Variants in MYO18B observed in about 807,000 individuals in gnomAD.
MYO18B encodes myosin XVIIIB, also known as unconventional myosin-XVIIIb.
Under a neutral mutation model 273.0 loss-of-function variants are expected in MYO18B, and 204 were observed. The observed-to-expected ratio is 0.75, with a 90% CI of 0.67 to 0.84. The LOEUF is 0.84. Among genes scored for constraint, MYO18B ranks in the 40% least tolerant of loss-of-function variants. The probability of loss-of-function intolerance (pLI) is 0.00; values close to 1 mark genes in which losing one functional copy is unlikely to be tolerated. For missense variants in MYO18B, 3,212 were observed against 3,287.6 expected (o/e 0.98, Z 0.56); for synonymous variants, 1,330 against 1,305.7 (o/e 1.02, Z -0.40).
At chr22:25,799,088 G>A (rs1049666805) in intron 12 of MYO18B, among the ~76,000 whole-genome samples, 41 of 150,456 alleles carry the variant, frequency 2.7e-4, no homozygotes, top group African/African-American at 4.9e-5. Context: ...TTCTGTCCTA[G>A]TTTCTCTATC....
intron 34 of MYO18B, among the ~76,000 whole-genome samples, chr22:25,939,724 A>C (rs1164713634): frequency 6.6e-6 from 1 of 152,152 alleles, no homozygotes; most frequent in Non-Finnish European, 1.5e-5. Flanking sequence ...ACCATACCAC[A>C]TTTTTTGTAC....
At chr22:25,986,620 T>G (rs16981137) in intron 39 of MYO18B, among the ~76,000 whole-genome samples, 2 of 152,234 alleles carry the variant, frequency 1.3e-5, no homozygotes, top group African/African-American at 4.8e-5. Flanking sequence ...TCAAGGTTTG[T>G]TAAACATTTA....
chr22:26,060,586 C>A, the MYO18B span, among the ~76,000 whole-genome samples: 5 of 152,128 alleles, frequency 3.3e-5, no homozygotes, highest in African/African-American at 2.4e-5. Flanking sequence ...CACATACACA[C>A]GTATACACAC....
In MYO18B at chr22:25,769,441, C is replaced by T. The variant is rs768048370; in HGVS notation, c.1512+13C>T. The T allele has an allele frequency of 4.5e-5, 67 of 1,503,046 alleles. No homozygotes were observed. The East Asian group carries it at 6.6e-4, about 15-fold the overall frequency. 93.1% of individuals were successfully genotyped at this position (1,503,046 alleles called of 1,614,324 possible). A position where few individuals can be genotyped will look rare whatever the true frequency, so the allele number is the denominator to read the frequency against. On this transcript the variant is annotated intron_variant, in intron 4 of 43. Coordinates refer to ENST00000335473, the MANE Select transcript of MYO18B (RefSeq NM_032608.7). ...AGACTCAGACCAGGTGAGGGGGCTG[C>T]GGCCCTGGGAGCGGGAAGCGGCAGA...
intron 39 of MYO18B, among the ~76,000 whole-genome samples, chr22:25,975,218 C>A (rs2093076101): frequency 6.6e-6 from 1 of 152,168 alleles, no homozygotes; most frequent in Non-Finnish European, 1.5e-5. Context: ...AGAGAGCACA[C>A]CGCTTAGCAG....
chr22:25,951,492 A>G (rs985239173), intron 37 of MYO18B, among the ~76,000 whole-genome samples: 1 of 152,182 alleles, frequency 6.6e-6, no homozygotes, highest in Non-Finnish European at 1.5e-5. Flanking sequence ...TCAGCCATTC[A>G]GTGCAGAATT....
intron 34 of MYO18B, among the ~76,000 whole-genome samples, chr22:25,932,673 G>A (rs2146512219): frequency 6.6e-6 from 1 of 152,232 alleles, no homozygotes; most frequent in Admixed American, 6.5e-5. Flanking sequence ...GCCTCCCAAA[G>A]TGCTGGGATT....
intron 3 of MYO18B, among the ~76,000 whole-genome samples, chr22:25,765,361 C>T (rs1001658696): frequency 6.6e-6 from 1 of 152,232 alleles, no homozygotes; most frequent in Non-Finnish European, 1.5e-5. Flanking sequence ...ACAACTGTTT[C>T]ATTTGATCCT....
At chr22:25,869,319 G>A (rs1048912368) in intron 22 of MYO18B, among the ~76,000 whole-genome samples, 1 of 151,864 alleles carries the variant, frequency 6.6e-6, no homozygotes, top group Non-Finnish European at 1.5e-5. Context: ...GCGTGGTGGT[G>A]TGCGCCTGTA....
rs139114934 is a variant in MYO18B at position 26,020,982 on chromosome 22, G to A, written c.6471-5463G>A. 3.6e-3 allele frequency among the ~76,000 whole-genome samples: 541 copies of A among 152,240 alleles called. 5 individuals are homozygous for A. Among genetic ancestry groups the A allele is most frequent in the African/African-American group, 0.012 (514 of 41,524 alleles). ...TGTGCACCTGTAATCCCAGCTACTC[G>A]GGAGGCGGAGGCAAGAGAATCACTC... On this transcript the variant is annotated intron_variant, in intron 42 of 43. Coordinates refer to ENST00000335473, the MANE Select transcript of MYO18B (RefSeq NM_032608.7).
At chr22:25,866,055 G>T (rs2090876148) in intron 21 of MYO18B, among the ~76,000 whole-genome samples, 1 of 151,972 alleles carries the variant, frequency 6.6e-6, no homozygotes, top group Non-Finnish European at 1.5e-5. Flanking sequence ...TTGCAGTCTG[G>T]GACTAGACTA....
chr22:26,003,200 A>G (rs1256649865), intron 40 of MYO18B, 65 bp from the exon 41 acceptor site: 6 of 1,438,196 alleles, frequency 4.2e-6, no homozygotes, highest in East Asian at 4.8e-5. Flanking sequence ...TCTAACGTCA[A>G]TAACCATGCT....
intron 39 of MYO18B, among the ~76,000 whole-genome samples, chr22:25,961,207 G>A (rs1403745310): frequency 1.3e-5 from 2 of 149,462 alleles, no homozygotes; most frequent in African/African-American, 5.0e-5. Context: ...GGGTGACAGA[G>A]CTAGCCTCCA....
At chr22:25,752,445 A>C (rs7288449) in intron 1 of MYO18B, among the ~76,000 whole-genome samples, 46,969 of 150,702 alleles carry the variant, frequency 0.31, 7,679 homozygotes, top group South Asian at 0.42. Flanking sequence ...CCTCGGCCTC[A>C]CAAAGTGCTG....
At chr22:26,043,641 G>A in the MYO18B span, among the ~76,000 whole-genome samples, 1 of 151,306 alleles carries the variant, frequency 6.6e-6, no homozygotes, top group Non-Finnish European at 1.5e-5. Context: ...CTCCCGAGTA[G>A]CTGGGATTAC....
intron 39 of MYO18B, among the ~76,000 whole-genome samples, chr22:25,962,882 G>T (rs2092932126): frequency 6.6e-6 from 1 of 152,124 alleles, no homozygotes; most frequent in African/African-American, 2.4e-5. Context: ...TGTGTGTCAG[G>T]CAATGTCCAG....
At chr22:25,863,481 A>G (rs2090799646) in intron 21 of MYO18B, among the ~76,000 whole-genome samples, 1 of 152,200 alleles carries the variant, frequency 6.6e-6, no homozygotes, top group South Asian at 2.1e-4. Context: ...TTAGTATTAT[A>G]ACTTGTTTTG....
intron 1 of MYO18B, among the ~76,000 whole-genome samples, chr22:25,757,878 A>G (rs2086175948): frequency 6.6e-6 from 1 of 152,190 alleles, no homozygotes; most frequent in South Asian, 2.1e-4. Context: ...ATCTTACTTT[A>G]CAAGCTGAGA....
At chr22:25,955,727 C>T (rs1601681169) in intron 39 of MYO18B, among the ~76,000 whole-genome samples, 1 of 152,264 alleles carries the variant, frequency 6.6e-6, no homozygotes, top group African/African-American at 2.4e-5. Context: ...TATCTTTCAC[C>T]AGGTCTCAAT....
Sources: gnomAD v4.1 joint callset for allele counts (sites outside exome capture counted in the v4.1 genomes callset) on GRCh38, gnomAD v4.1.1 for gene constraint, MANE v1.5 for transcripts, NCBI Gene and HGNC (gene_info 2026-07-23, HGNC 2026-07-21) for gene names.